SHB: variants seen among roughly 807,000 people sequenced by gnomAD.
SHB encodes the protein SH2 domain-containing adapter protein B.
A neutral mutation model predicts 52.3 loss-of-function variants in SHB; 20 were observed. The ratio of observed to expected loss-of-function variants is 0.38; its 90% CI spans 0.27 to 0.56. The LOEUF (loss-of-function observed/expected upper bound fraction) is 0.56, where lower values mean the gene tolerates loss of function less well. SHB is among the 20% of genes least tolerant of loss of function. SHB has a pLI of 0.71. For synonymous variants in SHB, 397 were observed against 316.5 expected, an observed-to-expected ratio of 1.25 and a Z score of -2.70; for missense variants, 825 against 723.3, an observed-to-expected ratio of 1.14 and a Z score of -1.61.
Position 37,974,694 on chromosome 9 carries a change from C to G in SHB, c.982G>C (p.Asp328His). 6.2e-7 allele frequency: 1 copy of G among 1,614,106 alleles called. No individual in the cohort carries two copies. The highest frequency in any genetic ancestry group is 8.5e-7 in the Non-Finnish European group (1 of 1,180,020). ...TACTCATCGGCGGGCCTGTCGTCAT[C>G]CTGGGGCAGCTTGCTCTCCCGCAGT... ...PRLRESKLPQDDDRPADEYDQ... is the reference protein window; with the variant it reads ...PRLRESKLPQHDDRPADEYDQ... The change falls in exon 3 of 6, where the codon GAT (aspartate) becomes CAT (histidine). Residue 328 changes from aspartate to histidine, a missense_variant. By Grantham distance (81) the Asp-to-His change is moderately conservative. Transcript: ENST00000377707.
At chr9:38,063,468 C>T (rs1373666319) in intron 1 of SHB, among the ~76,000 whole-genome samples, 1 of 152,254 alleles carries the variant, frequency 6.6e-6, no homozygotes, top group Non-Finnish European at 1.5e-5. Context: ...CTGCTTTATT[C>T]CTTCTGCATG....
chr9:38,031,945 G>T (rs1821421198), intron 1 of SHB, among the ~76,000 whole-genome samples: 1 of 152,104 alleles, frequency 6.6e-6, no homozygotes, highest in Non-Finnish European at 1.5e-5. Context: ...TGATAACTTG[G>T]CTATCACAAG....
chr9:37,950,574 C>G (rs1164775645), intron 4 of SHB, among the ~76,000 whole-genome samples: 1 of 152,128 alleles, frequency 6.6e-6, no homozygotes, highest in Non-Finnish European at 1.5e-5. Flanking sequence ...GAGACTCAGC[C>G]AGGAGAGGCA....
At chr9:37,995,599 T>C (rs1820937642) in intron 2 of SHB, among the ~76,000 whole-genome samples, 2 of 152,190 alleles carry the variant, frequency 1.3e-5, no homozygotes, top group Admixed American at 1.3e-4. Flanking sequence ...TACACTCTCA[T>C]TCCTCCTCCA....
At chr9:38,000,775 G>A (rs1821002987) in intron 2 of SHB, among the ~76,000 whole-genome samples, 1 of 152,228 alleles carries the variant, frequency 6.6e-6, no homozygotes, top group African/African-American at 2.4e-5. Context: ...AGGAGCCCCA[G>A]AGCCAGTTGG....
At chr9:38,021,002 A>C (rs531430020) in intron 1 of SHB, among the ~76,000 whole-genome samples, 1 of 152,244 alleles carries the variant, frequency 6.6e-6, no homozygotes, top group South Asian at 2.1e-4. Context: ...GCAGAAATGC[A>C]AAGGGAATCT....
At chr9:38,058,813 C>G (rs1821854293) in intron 1 of SHB, among the ~76,000 whole-genome samples, 1 of 152,152 alleles carries the variant, frequency 6.6e-6, no homozygotes, top group African/African-American at 2.4e-5. Context: ...TTCTTCTTCC[C>G]TCTGCCTGGA....
At chr9:37,983,660 C>T (rs943937) in intron 2 of SHB, among the ~76,000 whole-genome samples, 64,153 of 152,098 alleles carry the variant, frequency 0.42, 13,617 homozygotes, top group East Asian at 0.7. Context: ...GTATGGCTCT[C>T]CACTCCCAGG....
chr9:37,965,915 T>A (rs1251332982), intron 3 of SHB, among the ~76,000 whole-genome samples: 2 of 152,130 alleles, frequency 1.3e-5, no homozygotes, highest in East Asian at 1.9e-4. Context: ...GTGGTTACTG[T>A]GGTTGTTTTT....
intron 1 of SHB, among the ~76,000 whole-genome samples, chr9:38,054,659 G>A (rs1263718074): frequency 2.0e-5 from 3 of 152,174 alleles, no homozygotes; most frequent in Admixed American, 2.0e-4. Flanking sequence ...CTCTGCCTTT[G>A]AAGATACAAT....
chr9:38,055,740 A>C (rs979304531), intron 1 of SHB, among the ~76,000 whole-genome samples: 2 of 152,086 alleles, frequency 1.3e-5, no homozygotes, highest in Non-Finnish European at 2.9e-5. Flanking sequence ...CCAGTGCTGG[A>C]ATATGGTTGG....
In SHB at chr9:37,919,792, T is replaced by C. The variant is rs1329874039; in HGVS notation, c.*29A>G. The C allele has an allele frequency of 5.0e-6, 8 of 1,597,180 alleles. No individual in the cohort carries two copies. Among genetic ancestry groups the C allele is most frequent in the Non-Finnish European group, 6.9e-6 (8 of 1,167,526 alleles). ...TCTGGCACCTCCAAGTCTCAGGCTCTGTCACAGAGCAGGGCAGGTCTGGTC... is the reference window on the plus strand; with the variant it reads ...TCTGGCACCTCCAAGTCTCAGGCTCCGTCACAGAGCAGGGCAGGTCTGGTC... On this transcript the variant is annotated 3_prime_UTR_variant, in exon 6 of 6. Coordinates refer to ENST00000377707, the MANE Select transcript of SHB (RefSeq NM_003028.3).
intron 3 of SHB, among the ~76,000 whole-genome samples, chr9:37,962,449 T>C (rs1039055441): frequency 2.6e-5 from 4 of 152,012 alleles, no homozygotes; most frequent in African/African-American, 9.7e-5. Flanking sequence ...CAAAGGAAAC[T>C]CAGGAGCTGG....
chr9:37,937,207 ACGATAAGAGCT>A (rs1832381579), intron 5 of SHB, among the ~76,000 whole-genome samples: 1 of 152,212 alleles, frequency 6.6e-6, no homozygotes, highest in South Asian at 2.1e-4. Flanking sequence ...AGCCCAGGGC[ACGATAAGAGCT>A]CAGTGGTGAA....
intron 2 of SHB, among the ~76,000 whole-genome samples, chr9:37,986,379 G>A (rs1027058357): frequency 5.9e-5 from 9 of 152,076 alleles, no homozygotes; most frequent in African/African-American, 2.2e-4. Flanking sequence ...GAGGTAGAAG[G>A]AAACAGGGAA....
At chr9:37,924,389 A>G (rs984183247) in intron 5 of SHB, among the ~76,000 whole-genome samples, 4 of 152,220 alleles carry the variant, frequency 2.6e-5, no homozygotes, top group Non-Finnish European at 5.9e-5. Flanking sequence ...TGCTTGATGC[A>G]TATTTCATGA....
intron 5 of SHB, among the ~76,000 whole-genome samples, chr9:37,932,273 CAAAAAAAAA>C (rs56281324): frequency 8.8e-5 from 5 of 56,716 alleles, no homozygotes; most frequent in South Asian, 6.3e-4. Context: ...AACTCCATCT[CAAAAAAAAA>C]AAAAAAAAAA....
chr9:38,061,926 C>G (rs757640837), intron 1 of SHB, among the ~76,000 whole-genome samples: 19 of 152,196 alleles, frequency 1.2e-4, no homozygotes, highest in Non-Finnish European at 2.5e-4. Flanking sequence ...ACTCTGTGCT[C>G]AGAATTTCTC....
chr9:37,923,305 G>A (rs1832205341), intron 5 of SHB, among the ~76,000 whole-genome samples: 2 of 152,234 alleles, frequency 1.3e-5, no homozygotes, highest in Admixed American at 1.3e-4. Context: ...CATGGTGCAG[G>A]GCTGACGGCA....
Sources: allele counts gnomAD v4.1 joint callset (sites outside exome capture counted in the v4.1 genomes callset), GRCh38; gene constraint gnomAD v4.1.1; transcripts MANE v1.5; gene names NCBI Gene and HGNC (gene_info 2026-07-23, HGNC 2026-07-21).